The following ZFPM2 variants were observed in gnomAD, a reference collection of about 807,000 sequenced individuals.
ZFPM2 encodes zinc finger protein ZFPM2.
ZFPM2 carries 20 observed loss-of-function variants against 98.6 expected under a neutral mutation model. The ratio of observed to expected loss-of-function variants is 0.20; its 90% CI spans 0.14 to 0.29. The LOEUF is 0.29. Among genes scored for constraint, ZFPM2 ranks in the 10% least tolerant of loss-of-function variants. The pLI, the probability that ZFPM2 is intolerant of heterozygous loss-of-function variation, is 1.00. For missense variants in ZFPM2, 1,310 were observed against 1,388.6 expected (o/e 0.94, Z 0.90); for synonymous variants, 518 against 502.7 (o/e 1.03, Z -0.41).
In ZFPM2 at chr8:105,617,060, A is replaced by G. The variant is rs1259203178; in HGVS notation, c.421-17186A>G. On this transcript the variant is annotated intron_variant, in intron 4 of 7. Coordinates refer to ENST00000407775, the MANE Select transcript of ZFPM2 (RefSeq NM_012082.4). ...AAAAAAAAAAAAAAAAAAAAAAAAA[A>G]GATCCACACCATAAATGGGTAGCAA... is the stretch of plus-strand genomic sequence containing the variant. 2.3e-5 allele frequency among the ~76,000 whole-genome samples: 3 copies of G among 131,346 alleles called. No individual in the cohort carries two copies. In the South Asian group the frequency reaches 7.5e-4, roughly 33 times the overall value. The allele number at this position is 131,346 out of a possible 152,430, so 86.2% of individuals were successfully genotyped here. A position where few individuals can be genotyped will look rare whatever the true frequency, so the allele number is the denominator to read the frequency against.
At chr8:105,799,323 T>C (rs1221216950) in intron 7 of ZFPM2, among the ~76,000 whole-genome samples, 2 of 152,198 alleles carry the variant, frequency 1.3e-5, no homozygotes, top group Non-Finnish European at 2.9e-5. Context: ...AGGGAAGAAA[T>C]AATAGGTACA....
At chr8:105,545,190 A>G (rs918609700) in intron 3 of ZFPM2, among the ~76,000 whole-genome samples, 5 of 152,164 alleles carry the variant, frequency 3.3e-5, no homozygotes, top group African/African-American at 4.8e-5. Flanking sequence ...AGTAATTAAT[A>G]TTTTTGAAAA....
At chr8:105,739,475 A>C (rs1351650198) in intron 5 of ZFPM2, among the ~76,000 whole-genome samples, 1 of 152,024 alleles carries the variant, frequency 6.6e-6, no homozygotes, top group African/African-American at 2.4e-5. Context: ...GTTTCCATCT[A>C]CTGAAATTCT....
At chr8:105,699,209 A>G (rs1397181074) in intron 5 of ZFPM2, among the ~76,000 whole-genome samples, 2 of 152,184 alleles carry the variant, frequency 1.3e-5, no homozygotes, top group Non-Finnish European at 2.9e-5. Context: ...TTTGTAATAA[A>G]TGGAGGGTAA....
chr8:105,703,570 T>C (rs1423142260), intron 5 of ZFPM2, among the ~76,000 whole-genome samples: 3 of 152,144 alleles, frequency 2.0e-5, no homozygotes, highest in Non-Finnish European at 2.9e-5. Flanking sequence ...CTCAGTGTTA[T>C]GCAGCATGAG....
intron 4 of ZFPM2, among the ~76,000 whole-genome samples, chr8:105,587,416 T>G (rs1307716296): frequency 6.6e-6 from 1 of 152,134 alleles, no homozygotes; most frequent in Non-Finnish European, 1.5e-5. Flanking sequence ...GAACTACCCT[T>G]TATTTCTAAT....
At chr8:105,682,008 TTAAA>T (rs1481315078) in intron 5 of ZFPM2, among the ~76,000 whole-genome samples, 18 of 152,116 alleles carry the variant, frequency 1.2e-4, no homozygotes, top group South Asian at 4.2e-4. Context: ...AGCGGCAAAA[TTAAA>T]TAAATGACTA....
chr8:105,798,766 G>A lies in ZFPM2; in HGVS notation c.782G>A (p.Ser261Asn), dbSNP rs1409131123. Reference sequence around the variant, plus strand: ...AAGTCCTGTGGCATCTGGTATCGGAGTGAGCGGAATCTGCAGGCCCATTTG... The same window carrying A: ...AAGTCCTGTGGCATCTGGTATCGGAATGAGCGGAATCTGCAGGCCCATTTG... ...PCKSCGIWYR[S>N]ERNLQAHLMY... The change falls in exon 7 of 8, where the codon AGT (serine) becomes AAT (asparagine). Residue 261 changes from serine to asparagine, a missense_variant. Physicochemically the swap from Ser to Asn is conservative, Grantham distance 46. Coordinates refer to ENST00000407775, the MANE Select transcript of ZFPM2 (RefSeq NM_012082.4). 2.5e-6 allele frequency: 4 copies of A among 1,613,818 alleles called. No homozygotes were observed. The highest frequency in any genetic ancestry group is 2.7e-5 in the African/African-American group (2 of 74,910).
At chr8:105,417,135 C>G (rs1811694188) in intron 1 of ZFPM2, among the ~76,000 whole-genome samples, 2 of 151,696 alleles carry the variant, frequency 1.3e-5, no homozygotes, top group Non-Finnish European at 1.5e-5. Flanking sequence ...GGTAGCTGAG[C>G]CAGACCATTT....
chr8:105,709,966 G>A (rs1811342405), intron 5 of ZFPM2, among the ~76,000 whole-genome samples: 1 of 152,050 alleles, frequency 6.6e-6, no homozygotes, highest in Non-Finnish European at 1.5e-5. Context: ...AGAAACTGGG[G>A]ACATTATTTT....
intron 3 of ZFPM2, among the ~76,000 whole-genome samples, chr8:105,535,749 C>T (rs1023304610): frequency 9.2e-5 from 14 of 152,264 alleles, no homozygotes; most frequent in Admixed American, 8.5e-4. Flanking sequence ...GAGTTTAACT[C>T]TGTCTTCTTT....
chr8:105,690,666 A>G (rs10505080), intron 5 of ZFPM2, among the ~76,000 whole-genome samples: 23,004 of 152,102 alleles, frequency 0.15, 1,745 homozygotes, highest in Middle Eastern at 0.23. Flanking sequence ...TGACCCACAG[A>G]AACTAATATC....
At chr8:105,660,783 G>A (rs577455813) in intron 5 of ZFPM2, among the ~76,000 whole-genome samples, 2 of 152,122 alleles carry the variant, frequency 1.3e-5, no homozygotes, top group African/African-American at 4.8e-5. Context: ...TCCTTAAAAC[G>A]TAGGTATCTC....
At chr8:105,379,330 AC>A (rs1810793922) in intron 1 of ZFPM2, among the ~76,000 whole-genome samples, 1 of 152,224 alleles carries the variant, frequency 6.6e-6, no homozygotes, top group Non-Finnish European at 1.5e-5. Flanking sequence ...ATTAAAAAAA[AC>A]TTCATCAATA....
intron 4 of ZFPM2, among the ~76,000 whole-genome samples, chr8:105,619,535 T>A (rs556198277): frequency 1.3e-5 from 2 of 152,258 alleles, no homozygotes; most frequent in African/African-American, 4.8e-5. Flanking sequence ...TATGATTTTT[T>A]AATTTTTTTA....
intron 5 of ZFPM2, among the ~76,000 whole-genome samples, chr8:105,667,989 T>C (rs1034085871): frequency 6.6e-6 from 1 of 152,166 alleles, no homozygotes; most frequent in Non-Finnish European, 1.5e-5. Context: ...ACAAAGCTCT[T>C]TGGAGTCCTA....
At chr8:105,418,456 C>G (rs1328660011) in intron 1 of ZFPM2, 1 of 462,106 alleles carries the variant, frequency 2.2e-6, no homozygotes, top group East Asian at 6.2e-5. Context: ...GCGCACCTCA[C>G]TCTCATTCTC....
At chr8:105,351,163 ACT>A (rs1812634972) in intron 1 of ZFPM2, among the ~76,000 whole-genome samples, 1 of 143,918 alleles carries the variant, frequency 6.9e-6, no homozygotes, top group African/African-American at 2.7e-5. Context: ...ACAGAGTGAG[ACT>A]CTGTCTCAAA....
chr8:105,668,175 C>T lies in ZFPM2; in HGVS notation c.532+33818C>T, dbSNP rs114642823. 4.5e-3 allele frequency among the ~76,000 whole-genome samples: 684 copies of T among 152,314 alleles called. 3 individuals carry two copies. The highest frequency in any genetic ancestry group is 0.015 in the African/African-American group (641 of 41,572). Reference sequence around the variant, plus strand: ...TCCACGTACCTTAGGAAGCAGTTGCCAAATTGGGAAATGGCTCAGGTGTGC... The same window carrying T: ...TCCACGTACCTTAGGAAGCAGTTGCTAAATTGGGAAATGGCTCAGGTGTGC... On this transcript the variant is annotated intron_variant, in intron 5 of 7. Transcript: ENST00000407775.
Sources: allele counts gnomAD v4.1 joint callset (sites outside exome capture counted in the v4.1 genomes callset), GRCh38; gene constraint gnomAD v4.1.1; transcripts MANE v1.5; gene names NCBI Gene and HGNC (gene_info 2026-07-23, HGNC 2026-07-21).